The following AFDN variants were observed in gnomAD, a reference collection of about 807,000 sequenced individuals.
AFDN encodes the protein afadin, adherens junction formation factor.
Under a neutral mutation model 216.6 loss-of-function variants are expected in AFDN, and 68 were observed. The ratio of observed to expected loss-of-function variants is 0.31; its 90% CI spans 0.26 to 0.38. The LOEUF (loss-of-function observed/expected upper bound fraction) is 0.38, where lower values mean the gene tolerates loss of function less well. Among genes scored for constraint, AFDN ranks in the 10% least tolerant of loss-of-function variants. AFDN has a pLI of 1.00. For missense variants in AFDN, 2,136 were observed against 2,342.0 expected, an observed-to-expected ratio of 0.91 and a Z score of 1.82; for synonymous variants, 868 against 853.7, an observed-to-expected ratio of 1.02 and a Z score of -0.29.
At chr6:167,931,865 C>G (rs1255874140) in intron 23 of AFDN, among the ~76,000 whole-genome samples, 1 of 152,184 alleles carries the variant, frequency 6.6e-6, no homozygotes, top group Non-Finnish European at 1.5e-5. Context: ...TATGCCTGGG[C>G]TTTTCAGTCA....
At position 167,965,919 on chromosome 6, in the gene AFDN, C is replaced by G. The variant is rs1379939296; in HGVS notation, c.5131C>G (p.Pro1711Ala). 3 of 1,550,272 alleles carry G rather than the reference C, an allele frequency of 1.9e-6. No individual in the cohort carries two copies. Among genetic ancestry groups the G allele is most frequent in the South Asian group, 1.2e-5 (1 of 84,056 alleles). Residue 1711 changes from proline to alanine, a missense_variant, in exon 32 of 34, where the codon CCT becomes GCT. This residue lies in a region of AFDN where 981 missense variants were observed against 966.0 expected (regional missense o/e 1.02). Transcript: ENST00000683244. The stretch of plus-strand genomic sequence containing the variant: ...GTCCCCGTCCCCCGCGCCCGGCGCC[C>G]CTCCTCCCCCGCCTCAGCGAAACGC... ...PPSPSPAPGAPPPPPQRNASY... is the reference protein window; with the variant it reads ...PPSPSPAPGAAPPPPQRNASY...
intron 22 of AFDN, among the ~76,000 whole-genome samples, chr6:167,923,498 C>A (rs1470833853): frequency 6.6e-6 from 1 of 151,948 alleles, no homozygotes; most frequent in African/African-American, 2.4e-5. Flanking sequence ...GGCTTCCTGG[C>A]ATACCTTAGG....
chr6:167,963,279 G>C (rs9346634), intron 31 of AFDN: 1 of 1,062,870 alleles, frequency 9.4e-7, no homozygotes, highest in Non-Finnish European at 1.1e-6. Context: ...GGCTGTAGCC[G>C]TTGAGCTCCC....
chr6:167,864,567 G>T lies in AFDN; in HGVS notation c.122G>T (p.Gly41Val), dbSNP rs200384652. 1 of 1,613,770 alleles carries T rather than the reference G, an allele frequency of 6.2e-7. No individual in the cohort carries two copies. The highest frequency in any genetic ancestry group is 1.3e-5 in the African/African-American group (1 of 74,990). The stretch of plus-strand genomic sequence containing the variant: ...TTCTTTTAGGATTTGGAGTTCCATG[G>T]AGTGATGAGATTTTATTTTCAAGAT... ...SQPTEDLEFH[G>V]VMRFYFQDKA... Residue 41 changes from glycine to valine, a missense_variant, in exon 2 of 34, where the codon GGA becomes GTA. Physicochemically the swap from Gly to Val is moderately radical, Grantham distance 109. Transcript: ENST00000683244.
chr6:167,895,361 C>G (rs1430490642), intron 9 of AFDN, among the ~76,000 whole-genome samples: 1 of 152,104 alleles, frequency 6.6e-6, no homozygotes, highest in Non-Finnish European at 1.5e-5. Flanking sequence ...TAGAAGGGAG[C>G]TACCTATGTC....
chr6:167,952,679 T>A (rs1213622510), intron 30 of AFDN: 1 of 181,616 alleles, frequency 5.5e-6, no homozygotes, highest in Non-Finnish European at 1.1e-5. Context: ...AAAACTTTAT[T>A]TACAGAAACA....
intron 2 of AFDN, among the ~76,000 whole-genome samples, chr6:167,868,349 C>T (rs1463700543): frequency 1.3e-5 from 2 of 152,230 alleles, no homozygotes; most frequent in East Asian, 3.9e-4. Flanking sequence ...AGTTTCAGAT[C>T]AGCCTGGGCA....
At chr6:167,842,473 T>C (rs188239141) in intron 1 of AFDN, among the ~76,000 whole-genome samples, 1 of 152,286 alleles carries the variant, frequency 6.6e-6, no homozygotes, top group East Asian at 1.9e-4. Flanking sequence ...CTAGCTGACA[T>C]AATATACTTA....
In AFDN at chr6:167,951,990, G is replaced by C; in HGVS notation, c.4636G>C (p.Glu1546Gln). 1 of 1,614,208 alleles carries C rather than the reference G, an allele frequency of 6.2e-7. No homozygotes were observed. The highest frequency in any genetic ancestry group is 8.5e-7 in the Non-Finnish European group (1 of 1,180,050). ...GCACATCGTGGACATGCTGAGCAAG[G>C]AGATCCAGGAGCTCCAGAGCAAACC... ...QMHIVDMLSK[E>Q]IQELQSKPDR... Residue 1546 changes from glutamate to glutamine, a missense_variant, in exon 30 of 34, where the codon GAG (glutamate) becomes CAG (glutamine). By Grantham distance (29) the Glu-to-Gln change is conservative. Coordinates refer to ENST00000683244, the MANE Select transcript of AFDN (RefSeq NM_001386888.1). This position sits in a 1 kb window ranked among gnomAD's most constrained non-coding sequence, Gnocchi z 7.1.
rs770933615 is a variant in AFDN, at chr6:167,946,665, A to C, written c.3359-42A>C. 1.9e-6 allele frequency: 3 copies of C among 1,560,582 alleles called. No individual in the cohort carries two copies. The South Asian group carries it at 3.4e-5, about 18-fold the overall frequency. On this transcript the variant is annotated intron_variant, in intron 26 of 33. Transcript: ENST00000683244. ...AATTTTAATGATAATCAGGGTGTTGAAAATAAAATCTTAAGAGATACTGAA... is the reference window on the plus strand; with the variant it reads ...AATTTTAATGATAATCAGGGTGTTGCAAATAAAATCTTAAGAGATACTGAA...
chr6:167,963,307 T>A, intron 31 of AFDN: 1 of 1,063,408 alleles, frequency 9.4e-7, no homozygotes, highest in Non-Finnish European at 1.1e-6. Flanking sequence ...GCCTGTTTCA[T>A]CCCGAGGGGA....
chr6:167,927,405 T>G (rs1007867425), intron 23 of AFDN, among the ~76,000 whole-genome samples: 1 of 152,192 alleles, frequency 6.6e-6, no homozygotes, highest in Non-Finnish European at 1.5e-5. Flanking sequence ...CAGTGCTTAA[T>G]TAGTTTTAAA....
chr6:167,911,444 T>C lies in AFDN; in HGVS notation c.1992T>C (p.Ile664=). The C allele has an allele frequency of 6.2e-7, 1 of 1,614,126 alleles. No individual in the cohort carries two copies. Among genetic ancestry groups the C allele is most frequent in the Non-Finnish European group, 8.5e-7 (1 of 1,180,004 alleles). The change falls in exon 15 of 34, where the codon ATT becomes ATC. Residue 664 remains isoleucine (I), a synonymous_variant. Coordinates refer to ENST00000683244, the MANE Select transcript of AFDN (RefSeq NM_001386888.1). The stretch of plus-strand genomic sequence containing the variant: ...CTACAGAGCGCACACATAAAGTCAT[T>C]GCAGTCGTCAACAAGATGGTGAGCA... ...ISPTERTHKV[I]AVVNKMVSMM... is the part of the protein sequence containing the mutation.
intron 9 of AFDN, among the ~76,000 whole-genome samples, chr6:167,894,465 G>A (rs546659428): frequency 2.0e-5 from 3 of 152,200 alleles, no homozygotes; most frequent in South Asian, 4.1e-4. Context: ...TTTTGGCAAC[G>A]GTTTTATATG....
Position 167,962,960 on chromosome 6 carries a change from C to T in AFDN, c.4968+393C>T, listed in dbSNP as rs545206931. 1.3e-4 allele frequency: 140 copies of T among 1,099,278 alleles called. 1 individual carries two copies. In the South Asian group the frequency reaches 3.7e-3, roughly 29 times the overall value. 68.1% of individuals were successfully genotyped at this position (1,099,278 alleles called of 1,614,324 possible). ...TGTGGACCGTGGGAAGCAGTAGGAG[C>T]GTAGTAAGACAGTTGGCTGCCATTC... is the stretch of plus-strand genomic sequence containing the variant. On this transcript the variant is annotated intron_variant, in intron 31 of 33. Coordinates refer to ENST00000683244, the MANE Select transcript of AFDN (RefSeq NM_001386888.1). The surrounding 1 kb of genome is among the most constrained non-coding windows in gnomAD (Gnocchi z 5.2).
chr6:167,957,990 A>G (rs1191696410), intron 30 of AFDN, among the ~76,000 whole-genome samples: 2 of 152,162 alleles, frequency 1.3e-5, no homozygotes, highest in African/African-American at 2.4e-5. Flanking sequence ...CAAACCCACC[A>G]TGGGAGAGAC....
rs1230572887 is a variant in AFDN at position 167,914,173 on chromosome 6, G to A, written c.2064G>A (p.Gln688=). 6.2e-7 allele frequency: 1 copy of A among 1,613,932 alleles called. No homozygotes were observed. The highest frequency in any genetic ancestry group is 8.5e-7 in the Non-Finnish European group (1 of 1,179,956). Reference sequence around the variant, plus strand: ...GAAGTGTGTTCTGTCTACAGAAACAGAAGAATATTGCAGGGGCACTTGCCT... The same window carrying A: ...GAAGTGTGTTCTGTCTACAGAAACAAAAGAATATTGCAGGGGCACTTGCCT... ...IQEVDQVDQK[Q]KNIAGALAFW... The change falls in exon 17 of 34, where the codon CAG becomes CAA. Residue 688 remains glutamine (Q), a synonymous_variant. Transcript: ENST00000683244.
At chr6:167,927,188 C>T (rs763604020) in intron 23 of AFDN, among the ~76,000 whole-genome samples, 3 of 151,974 alleles carry the variant, frequency 2.0e-5, no homozygotes, top group Non-Finnish European at 2.9e-5. Context: ...GATGAATGGG[C>T]GTTGTAGCGG....
chr6:167,919,883 A>T (rs1270000788), intron 21 of AFDN, among the ~76,000 whole-genome samples: 2 of 152,248 alleles, frequency 1.3e-5, no homozygotes, highest in Non-Finnish European at 1.5e-5. Context: ...TAGAGGTTTT[A>T]TGCCCGTAGG....
Sources: allele counts gnomAD v4.1 joint callset (sites outside exome capture counted in the v4.1 genomes callset), GRCh38; gene constraint gnomAD v4.1.1; regional missense constraint gnomAD v4.1.1; non-coding constraint Gnocchi (gnomAD v3.1); transcripts MANE v1.5; gene names NCBI Gene and HGNC (gene_info 2026-07-23, HGNC 2026-07-21).